The following LIN28B variants were observed in gnomAD, a reference collection of about 807,000 sequenced individuals.
LIN28B encodes protein lin-28 homolog B.
Under a neutral mutation model 21.9 loss-of-function variants are expected in LIN28B, and 5 were observed. The ratio of observed to expected loss-of-function variants is 0.23; its 90% CI spans 0.12 to 0.48. LIN28B has a LOEUF of 0.48. Among genes scored for constraint, LIN28B ranks in the 20% least tolerant of loss-of-function variants. The pLI is 0.98. For missense variants in LIN28B, 245 were observed against 310.5 expected (o/e 0.79, Z 1.58); for synonymous variants, 109 against 111.3 (o/e 0.98, Z 0.13).
rs552904087 is a variant in LIN28B at position 105,052,370 on chromosome 6, T to C, written c.383+25888T>C. Among the ~76,000 whole-genome samples the C allele has an allele frequency of 4.0e-4, 61 of 152,242 alleles. 1 individual carries two copies. Among genetic ancestry groups the C allele is most frequent in the Non-Finnish European group, 7.8e-4 (53 of 68,004 alleles). On this transcript the variant is annotated intron_variant, in intron 3 of 3. Transcript: ENST00000345080. ...AAATTTTTATTGGCCCACAGTTTTGTAGGCTGGGAAGTCCAAGATCAAGGG... is the reference window on the plus strand; with the variant it reads ...AAATTTTTATTGGCCCACAGTTTTGCAGGCTGGGAAGTCCAAGATCAAGGG...
chr6:105,006,579 T>C (rs1770818836), intron 2 of LIN28B, among the ~76,000 whole-genome samples: 1 of 152,192 alleles, frequency 6.6e-6, no homozygotes, highest in Admixed American at 6.5e-5. Flanking sequence ...CCCAAAGTGT[T>C]GGGATTGCAG....
At chr6:104,957,370 T>G in intron 1 of LIN28B, 110 bp downstream of exon 1, 3 of 519,686 alleles carry the variant, frequency 5.8e-6, no homozygotes, top group Non-Finnish European at 6.4e-6. Context: ...TTTACCCCAA[T>G]ACTGGGCATT....
chr6:104,960,505 GTGATTAGGAATTTTAAA>G, intron 2 of LIN28B, among the ~76,000 whole-genome samples: 1 of 152,128 alleles, frequency 6.6e-6, no homozygotes, highest in African/African-American at 2.4e-5. Context: ...TGTATCATAG[GTGATTAGGAATTTTAAA>G]TGTTCAACTG....
chr6:104,959,566 G>T (rs919928166), intron 2 of LIN28B, among the ~76,000 whole-genome samples: 1 of 152,126 alleles, frequency 6.6e-6, no homozygotes, highest in African/African-American at 2.4e-5. Context: ...TTTCCTGAAG[G>T]CCTGGCCATC....
At chr6:104,990,647 G>A (rs1297351453) in intron 2 of LIN28B, among the ~76,000 whole-genome samples, 1 of 151,716 alleles carries the variant, frequency 6.6e-6, no homozygotes, top group African/African-American at 2.4e-5. Flanking sequence ...AATAGTGGAG[G>A]GAAGGTCAGC....
intron 3 of LIN28B, among the ~76,000 whole-genome samples, chr6:105,043,341 C>CAAAAA (rs57532096): frequency 5.0e-4 from 38 of 75,384 alleles, no homozygotes; most frequent in African/African-American, 7.2e-4. Context: ...GACTCTGTCT[C>CAAAAA]AAAAAAAAAA....
chr6:105,017,102 A>G (rs201815464), intron 2 of LIN28B, among the ~76,000 whole-genome samples: 1 of 151,620 alleles, frequency 6.6e-6, no homozygotes, highest in Non-Finnish European at 1.5e-5. Flanking sequence ...AAGAAAGATA[A>G]CAGACACATT....
chr6:104,965,278 C>G (rs1190025478), intron 2 of LIN28B, among the ~76,000 whole-genome samples: 1 of 152,008 alleles, frequency 6.6e-6, no homozygotes, highest in Non-Finnish European at 1.5e-5. Context: ...GCCTGTAATC[C>G]CAGCACTTTG....
intron 2 of LIN28B, among the ~76,000 whole-genome samples, chr6:105,018,488 A>C: frequency 6.6e-6 from 1 of 151,310 alleles, no homozygotes; most frequent in East Asian, 1.9e-4. Context: ...TTAGAATCTC[A>C]CTCTCTCTCC....
chr6:104,970,371 CTT>C (rs1769949515), intron 2 of LIN28B, among the ~76,000 whole-genome samples: 2 of 152,144 alleles, frequency 1.3e-5, no homozygotes, highest in African/African-American at 4.8e-5. Flanking sequence ...GGAAAGAAAA[CTT>C]TCTCTTTTAT....
At chr6:104,942,780 A>G (rs912770583) in intron 2 of LIN28B, among the ~76,000 whole-genome samples, 14 of 152,164 alleles carry the variant, frequency 9.2e-5, no homozygotes, top group African/African-American at 3.4e-4. Flanking sequence ...AAAAAGTTTT[A>G]TTTGACTTTT....
chr6:105,067,968 A>G (rs1772251180), intron 3 of LIN28B, among the ~76,000 whole-genome samples: 1 of 152,140 alleles, frequency 6.6e-6, no homozygotes, highest in South Asian at 2.1e-4. Context: ...GATCTGCACC[A>G]CCATTCATTA....
At chr6:105,065,156 C>T (rs1450589109) in intron 3 of LIN28B, among the ~76,000 whole-genome samples, 1 of 152,090 alleles carries the variant, frequency 6.6e-6, no homozygotes, top group East Asian at 1.9e-4. Flanking sequence ...AGACAAGATC[C>T]CTTAAGGGAT....
intron 2 of LIN28B, among the ~76,000 whole-genome samples, chr6:105,000,481 A>C (rs1014012048): frequency 4.6e-5 from 7 of 152,152 alleles, no homozygotes; most frequent in Non-Finnish European, 1.5e-5. Context: ...AATACCTTTA[A>C]AATGTTGGCA....
intron 3 of LIN28B, among the ~76,000 whole-genome samples, chr6:105,042,535 A>G (rs905655835): frequency 6.6e-6 from 1 of 152,058 alleles, no homozygotes; most frequent in African/African-American, 2.4e-5. Context: ...CAGCATTTTC[A>G]TCTGTCGTCT....
At chr6:105,063,647 GGA>G (rs1491106627) in intron 3 of LIN28B, among the ~76,000 whole-genome samples, 62 of 117,968 alleles carry the variant, frequency 5.3e-4, no homozygotes, top group African/African-American at 2.3e-3. Context: ...GGGGGGGGGG[GGA>G]AAAAAAGGTA....
intron 3 of LIN28B, among the ~76,000 whole-genome samples, chr6:105,050,733 G>A (rs973309677): frequency 1.4e-5 from 2 of 147,318 alleles, no homozygotes; most frequent in East Asian, 4.0e-4. Context: ...ATTTTACAAT[G>A]TTTTACATCA....
chr6:104,967,334 C>CT (rs66615083), intron 2 of LIN28B, among the ~76,000 whole-genome samples: 72,459 of 151,186 alleles, frequency 0.48, 19,304 homozygotes, highest in East Asian at 0.69. Context: ...AATCCCAGCA[C>CT]TTTGGGAGGC....
intron 3 of LIN28B, among the ~76,000 whole-genome samples, chr6:105,036,331 G>A (rs1347611911): frequency 1.3e-5 from 2 of 152,080 alleles, no homozygotes; most frequent in Non-Finnish European, 2.9e-5. Context: ...TCATCCATAT[G>A]GTGACTAAGG....
Sources: gnomAD v4.1 joint callset for allele counts (sites outside exome capture counted in the v4.1 genomes callset) on GRCh38, gnomAD v4.1.1 for gene constraint, MANE v1.5 for transcripts, NCBI Gene and HGNC (gene_info 2026-07-23, HGNC 2026-07-21) for gene names.